SLC45A1: variants seen among roughly 807,000 people sequenced by gnomAD.
SLC45A1 encodes proton-associated sugar transporter A.
A neutral mutation model predicts 57.6 loss-of-function variants in SLC45A1; 28 were observed. The ratio of observed to expected loss-of-function variants is 0.49; its 90% CI spans 0.36 to 0.67. The LOEUF (loss-of-function observed/expected upper bound fraction) is 0.67. Among genes scored for constraint, SLC45A1 ranks in the 30% least tolerant of loss-of-function variants. The probability of loss-of-function intolerance (pLI) is 0.00; values close to 1 mark genes in which losing one functional copy is unlikely to be tolerated. For synonymous variants in SLC45A1, 459 were observed against 471.5 expected (o/e 0.97, Z 0.34); for missense variants, 814 against 1,041.5 (o/e 0.78, Z 3.01).
Position 8,330,054 on chromosome 1 carries a change from C to G in SLC45A1, c.716-155C>G, listed in dbSNP as rs2124302630. On this transcript the variant is annotated intron_variant, in intron 4 of 8. Coordinates refer to ENST00000471889, the MANE Select transcript of SLC45A1 (RefSeq NM_001080397.3). The surrounding 1 kb of genome is among the most constrained non-coding windows in gnomAD (Gnocchi z 8.4). The stretch of plus-strand genomic sequence containing the variant: ...TCCTCAAGGGGCCCGCCCTGGGAAT[C>G]CTGTCCCATTTTGTTGGGGTTTAGG... The G allele has an allele frequency of 1.1e-6, 1 of 939,112 alleles. No individual in the cohort carries two copies. The highest frequency in any genetic ancestry group is 1.7e-5 in the African/African-American group (1 of 60,154). The allele number at this position is 939,112 out of a possible 1,614,324, so 58.2% of individuals were successfully genotyped here. A position where few individuals can be genotyped will look rare whatever the true frequency, so the allele number is the denominator to read the frequency against.
intron 6 of SLC45A1, 73 bp from the exon 7 acceptor site, chr1:8,337,743 C>T (rs7520373): frequency 0.26 from 352,611 of 1,372,848 alleles, 51,127 homozygotes; most frequent in East Asian, 0.66. Flanking sequence ...AACCAGTAGA[C>T]GCATGTTGGT....
intron 8 of SLC45A1, among the ~76,000 whole-genome samples, chr1:8,340,265 T>C (rs1364262643): frequency 6.6e-6 from 1 of 151,406 alleles, no homozygotes; most frequent in Non-Finnish European, 1.5e-5. Flanking sequence ...CGGGTTCAAG[T>C]GGTCCTCCTG....
Position 8,330,277 on chromosome 1 carries a change from C to G in SLC45A1, c.784C>G (p.Leu262Val). ...GGATAAAACGGGCTTCGGGAGGGCC[C>G]TGGGGGGACAGCTCCGAGTCATTTA... Reference protein sequence around the residue: ...HWDKTGFGRALGGQLRVIYLF... With the variant: ...HWDKTGFGRAVGGQLRVIYLF... Residue 262 changes from leucine to valine, a missense_variant, in exon 5 of 9, where the codon CTG becomes GTG. Leu to Val is a conservative substitution (Grantham distance 32). Coordinates refer to ENST00000471889, the MANE Select transcript of SLC45A1 (RefSeq NM_001080397.3). The surrounding 1 kb of genome is among the most constrained non-coding windows in gnomAD (Gnocchi z 8.4). 2 of 1,613,928 alleles carry G rather than the reference C, an allele frequency of 1.2e-6. No homozygotes were observed. The highest frequency in any genetic ancestry group is 2.2e-5 in the South Asian group (2 of 91,066).
At position 8,327,867 on chromosome 1, in the gene SLC45A1, C is replaced by T. The variant is rs1218477955; in HGVS notation, c.715+1825C>T. Among the ~76,000 whole-genome samples the T allele has an allele frequency of 6.6e-6, 1 of 152,074 alleles. No homozygotes were observed. Among genetic ancestry groups the T allele is most frequent in the East Asian group, 1.9e-4 (1 of 5,184 alleles). On this transcript the variant is annotated intron_variant, in intron 4 of 8. Coordinates refer to ENST00000471889, the MANE Select transcript of SLC45A1 (RefSeq NM_001080397.3). The surrounding 1 kb of genome is among the most constrained non-coding windows in gnomAD (Gnocchi z 4.3). ...CCAACATGACAAAATCCCATCTCTA[C>T]TAAAAATACAAAAAATTAGCCTGGC... is the stretch of plus-strand genomic sequence containing the variant.
Position 8,324,384 on chromosome 1 carries a change from G to A in SLC45A1, c.55G>A (p.Ala19Thr). 6.2e-7 allele frequency: 1 copy of A among 1,612,754 alleles called. No homozygotes were observed. The highest frequency in any genetic ancestry group is 8.5e-7 in the Non-Finnish European group (1 of 1,179,970). ...PPGDALFPSV[A>T]PQDFWRSQVT... ...GGGAGATGCCCTCTTCCCCAGCGTG[G>A]CCCCACAGGACTTCTGGAGGTCCCA... is the stretch of plus-strand genomic sequence containing the variant. The change falls in exon 2 of 9, where the codon GCC becomes ACC. Residue 19 changes from alanine (A) to threonine (T), a missense_variant. By Grantham distance (58) the Ala-to-Thr change is moderately conservative (BLOSUM62 0). Coordinates refer to ENST00000471889, the MANE Select transcript of SLC45A1 (RefSeq NM_001080397.3).
intron 8 of SLC45A1, among the ~76,000 whole-genome samples, chr1:8,342,163 T>C (rs1016595277): frequency 1.9e-4 from 29 of 148,782 alleles, no homozygotes; most frequent in South Asian, 4.3e-4. Context: ...GCTGAGATCG[T>C]GCCACTGCAC....
chr1:8,320,174 C>G (rs1402423640), intron 1 of SLC45A1, among the ~76,000 whole-genome samples: 1 of 152,174 alleles, frequency 6.6e-6, no homozygotes, highest in Admixed American at 6.6e-5. Context: ...AGGTTTAATT[C>G]TGGTTCAGAT....
At chr1:8,341,945 C>T (rs1269287919) in intron 8 of SLC45A1, among the ~76,000 whole-genome samples, 2 of 151,648 alleles carry the variant, frequency 1.3e-5, no homozygotes, top group African/African-American at 2.4e-5. Flanking sequence ...CGGTGGCTCA[C>T]GCCTGTAATC....
At chr1:8,333,065 T>C (rs1640466692) in intron 5 of SLC45A1, among the ~76,000 whole-genome samples, 2 of 150,806 alleles carry the variant, frequency 1.3e-5, no homozygotes. Context: ...GTCTCCTGAA[T>C]GAAGTAGACC....
chr1:8,326,982 AAAAC>A lies in SLC45A1; in HGVS notation c.715+958_715+961del, dbSNP rs373652406. On this transcript the variant is annotated intron_variant, in intron 4 of 8. Transcript: ENST00000471889. The surrounding 1 kb of genome is among the most constrained non-coding windows in gnomAD (Gnocchi z 5.5). ...GCAACAAGAGCGAACCTCCATCTCA[AAAAC>A]AAACAAACAAACAAACACCAACTCT... 8.1e-4 allele frequency among the ~76,000 whole-genome samples: 123 copies of A among 152,282 alleles called. No individual in the cohort carries two copies. Among genetic ancestry groups the A allele is most frequent in the Non-Finnish European group, 1.5e-3 (101 of 68,028 alleles).
At chr1:8,323,611 G>A (rs918909030) in intron 1 of SLC45A1, among the ~76,000 whole-genome samples, 2 of 98,920 alleles carry the variant, frequency 2.0e-5, no homozygotes, top group African/African-American at 3.0e-5. Flanking sequence ...TCCAGAGTTC[G>A]GCTTATTAAA....
chr1:8,321,510 A>G (rs1289146268), intron 1 of SLC45A1, among the ~76,000 whole-genome samples: 1 of 151,984 alleles, frequency 6.6e-6, no homozygotes, highest in African/African-American at 2.4e-5. Flanking sequence ...TCTGTCTTTT[A>G]CCCAATGATT....
At position 8,337,998 on chromosome 1, in the gene SLC45A1, C is replaced by T. The variant is rs376429651; in HGVS notation, c.1774+6C>T. ...CAGTGCTGCCTTCTACTCAGGTACC[C>T]GCTGCCAGCCAGGCTGGCACGGCAG... is the stretch of plus-strand genomic sequence containing the variant. On this transcript the variant is annotated splice_donor_region_variant and intron_variant, in intron 7 of 8. Transcript: ENST00000471889. The T allele has an allele frequency of 5.1e-5, 82 of 1,611,918 alleles. No homozygotes were observed. The African/African-American group carries it at 9.1e-4, about 18-fold the overall frequency.
rs1640274199 is a variant in SLC45A1, at chr1:8,328,587, C to T, written c.716-1622C>T. Among the ~76,000 whole-genome samples the T allele has an allele frequency of 1.3e-5, 2 of 152,312 alleles. No homozygotes were observed. Among genetic ancestry groups the T allele is most frequent in the South Asian group, 4.1e-4 (2 of 4,828 alleles). ...GGCGTGGTGGCTCATGCATGTACTC[C>T]CAGCACTTTGGGAGACCAAGGCAGG... On this transcript the variant is annotated intron_variant, in intron 4 of 8. Coordinates refer to ENST00000471889, the MANE Select transcript of SLC45A1 (RefSeq NM_001080397.3). The surrounding 1 kb of genome is among the most constrained non-coding windows in gnomAD (Gnocchi z 4.6).
chr1:8,325,270 C>A lies in SLC45A1; in HGVS notation c.398-28C>A. 3 of 1,533,650 alleles carry A rather than the reference C, an allele frequency of 2.0e-6. No homozygotes were observed. The highest frequency in any genetic ancestry group is 1.8e-6 in the Non-Finnish European group (2 of 1,108,088). ...TCCCCATGTGCCATGGGGACCCTGG[C>A]AATGACCGCTGGCCTGCTCTGTTTC... is the stretch of plus-strand genomic sequence containing the variant. On this transcript the variant is annotated intron_variant, in intron 2 of 8. Transcript: ENST00000471889. This position sits in a 1 kb window ranked among gnomAD's most constrained non-coding sequence, Gnocchi z 6.3.
intron 5 of SLC45A1, among the ~76,000 whole-genome samples, chr1:8,332,107 C>A (rs1404463822): frequency 6.6e-6 from 1 of 152,172 alleles, no homozygotes; most frequent in Non-Finnish European, 1.5e-5. Context: ...CTCTTTTAAA[C>A]ACTTACGTTT....
intron 7 of SLC45A1, 136 bp from the exon 8 acceptor site, chr1:8,339,357 G>A: frequency 1.3e-6 from 1 of 769,126 alleles, no homozygotes; most frequent in Non-Finnish European, 2.2e-6. Context: ...AGTACTTTCT[G>A]GTCTGGGGCA....
rs138622022 is a variant in SLC45A1 at position 8,324,338 on chromosome 1, C to T, written c.9C>T (p.Pro3=). The T allele has an allele frequency of 1.1e-4, 181 of 1,612,260 alleles. No individual in the cohort carries two copies. In the African/African-American group the frequency reaches 1.2e-3, roughly 10 times the overall value. MI[P]AASSTPPGDA... ...CACCAGCCCTCCCCACGATGATCCC[C>T]GCAGCCAGCAGCACCCCGCCGGGAG... is the stretch of plus-strand genomic sequence containing the variant. Residue 3 remains proline (P), a synonymous_variant, in exon 2 of 9, where the codon CCC becomes CCT. Coordinates refer to ENST00000471889, the MANE Select transcript of SLC45A1 (RefSeq NM_001080397.3).
Position 8,325,927 on chromosome 1 carries a change from G to A in SLC45A1, c.600G>A (p.Val200=), listed in dbSNP as rs61746716. The A allele has an allele frequency of 3.2e-4, 521 of 1,614,002 alleles. 6 individuals carry two copies. The African/African-American group carries it at 6.1e-3, about 19-fold the overall frequency. The change falls in exon 4 of 9, where the codon GTG becomes GTA. Residue 200 remains valine, a synonymous_variant. Transcript: ENST00000471889. The surrounding 1 kb of genome is among the most constrained non-coding windows in gnomAD (Gnocchi z 6.3). ...GCCTGCTGCTGACCGTGTGCGGTGT[G>A]GTGCTGATGGACTTTAGCGCCGACT... ...KWGLLLTVCG[V]VLMDFSADSA...
Sources: allele counts gnomAD v4.1 joint callset (sites outside exome capture counted in the v4.1 genomes callset), GRCh38; gene constraint gnomAD v4.1.1; non-coding constraint Gnocchi (gnomAD v3.1); transcripts MANE v1.5; gene names NCBI Gene and HGNC (gene_info 2026-07-23, HGNC 2026-07-21).